The following SLC35G2 variants were observed in gnomAD, a reference collection of about 807,000 sequenced individuals.
SLC35G2 encodes the protein solute carrier family 35 member G2, also known as transmembrane protein 22.
A neutral mutation model predicts 27.2 loss-of-function variants in SLC35G2; 20 were observed. That is an observed-to-expected ratio of 0.74 (90% CI 0.52 to 1.07). The LOEUF (loss-of-function observed/expected upper bound fraction) is 1.07. Ranked by LOEUF, SLC35G2 falls within the 50% of genes least tolerant of loss-of-function variation. The probability of loss-of-function intolerance (pLI) is 0.00; values close to 1 mark genes in which losing one functional copy is unlikely to be tolerated. For synonymous variants in SLC35G2, 148 were observed against 165.3 expected, an observed-to-expected ratio of 0.90 and a Z score of 0.80; for missense variants, 416 against 493.3, an observed-to-expected ratio of 0.84 and a Z score of 1.48.
chr3:136,835,831 A>G (rs1471562539), intron 1 of SLC35G2, among the ~76,000 whole-genome samples: 1 of 152,178 alleles, frequency 6.6e-6, no homozygotes, highest in Non-Finnish European at 1.5e-5. Context: ...TTTGATGCTG[A>G]AAATGCTCCA....
chr3:136,821,396 TA>T (rs938298297), intron 1 of SLC35G2, among the ~76,000 whole-genome samples: 3 of 152,210 alleles, frequency 2.0e-5, no homozygotes, highest in East Asian at 1.9e-4. Context: ...TTTTTAGACT[TA>T]AAAAAATTAT....
intron 1 of SLC35G2, among the ~76,000 whole-genome samples, chr3:136,833,242 G>A (rs902096069): frequency 6.6e-6 from 1 of 152,140 alleles, no homozygotes; most frequent in Admixed American, 6.5e-5. Flanking sequence ...TTATTGAAAT[G>A]TTGTTAAGTG....
At chr3:136,833,790 C>T (rs1262012537) in intron 1 of SLC35G2, among the ~76,000 whole-genome samples, 1 of 152,126 alleles carries the variant, frequency 6.6e-6, no homozygotes, top group Non-Finnish European at 1.5e-5. Flanking sequence ...AGTTCATGCA[C>T]TGAGGGTTGG....
intron 1 of SLC35G2, among the ~76,000 whole-genome samples, chr3:136,826,132 G>A (rs1936580122): frequency 6.6e-6 from 1 of 151,840 alleles, no homozygotes; most frequent in South Asian, 2.1e-4. Flanking sequence ...CACCTTCTGA[G>A]TTCACGCCAT....
intron 1 of SLC35G2, among the ~76,000 whole-genome samples, chr3:136,850,050 T>C (rs1191827461): frequency 6.6e-6 from 1 of 152,138 alleles, no homozygotes; most frequent in African/African-American, 2.4e-5. Flanking sequence ...GAGGTTGCAG[T>C]GAGCTGAGAT....
At chr3:136,824,086 G>A (rs1011318149) in intron 1 of SLC35G2, among the ~76,000 whole-genome samples, 1 of 152,116 alleles carries the variant, frequency 6.6e-6, no homozygotes, top group African/African-American at 2.4e-5. Flanking sequence ...CTATGTATCT[G>A]TTTTTATGCC....
chr3:136,839,930 C>A (rs1439372007), intron 1 of SLC35G2, among the ~76,000 whole-genome samples: 1 of 152,128 alleles, frequency 6.6e-6, no homozygotes, highest in African/African-American at 2.4e-5. Flanking sequence ...TAATTTCCAC[C>A]CACTTCTATA....
chr3:136,847,191 T>A (rs1447078025), intron 1 of SLC35G2, among the ~76,000 whole-genome samples: 3 of 151,378 alleles, frequency 2.0e-5, no homozygotes, highest in South Asian at 2.1e-4. Context: ...AATAAATAAA[T>A]AATAAATAAA....
intron 1 of SLC35G2, chr3:136,843,365 A>C (rs1937191286): frequency 7.1e-6 from 1 of 141,074 alleles, no homozygotes; most frequent in South Asian, 2.4e-4. Flanking sequence ...GGGTTCTGGC[A>C]GGGTGTGGTA....
chr3:136,854,930 C>G lies in SLC35G2; in HGVS notation c.470C>G (p.Ala157Gly). 1 of 1,614,098 alleles carries G rather than the reference C, an allele frequency of 6.2e-7. No homozygotes were observed. The highest frequency in any genetic ancestry group is 8.5e-7 in the Non-Finnish European group (1 of 1,180,028). The change falls in exon 2 of 2, where the codon GCC (alanine) becomes GGC (glycine). Residue 157 changes from alanine (A) to glycine (G), a missense_variant. Ala to Gly is a moderately conservative substitution (Grantham distance 60). Transcript: ENST00000446465. ...TTAGTTGTGTGTTACTATCAGGAGG[C>G]CCCCTTTGGACCCAGTGGATACAGA... is the stretch of plus-strand genomic sequence containing the variant. ...SVLVVCYYQE[A>G]PFGPSGYRLR...
intron 1 of SLC35G2, among the ~76,000 whole-genome samples, chr3:136,824,955 A>G (rs952004523): frequency 1.3e-5 from 2 of 151,918 alleles, no homozygotes; most frequent in South Asian, 2.1e-4. Context: ...CCCTGTGTCC[A>G]TGTGTTCTCA....
intron 1 of SLC35G2, among the ~76,000 whole-genome samples, chr3:136,847,955 C>T (rs773517136): frequency 5.9e-5 from 9 of 151,926 alleles, no homozygotes; most frequent in Admixed American, 3.9e-4. Flanking sequence ...CCAGCCTGGG[C>T]GACAGAGCAA....
At chr3:136,837,548 T>A (rs945524109) in intron 1 of SLC35G2, 4 of 152,188 alleles carry the variant, frequency 2.6e-5, no homozygotes, top group African/African-American at 9.7e-5. Flanking sequence ...ATCTTTCTTT[T>A]TACTCAGCAA....
chr3:136,849,784 C>A (rs913266836), intron 1 of SLC35G2, among the ~76,000 whole-genome samples: 1 of 151,730 alleles, frequency 6.6e-6, no homozygotes, highest in African/African-American at 2.4e-5. Flanking sequence ...TGAGCCACTG[C>A]ACCTGGCCCA....
chr3:136,827,953 A>G (rs1204949459), intron 1 of SLC35G2, among the ~76,000 whole-genome samples: 2 of 152,000 alleles, frequency 1.3e-5, no homozygotes, highest in East Asian at 3.9e-4. Context: ...CAGCCTCCCA[A>G]GTAGCTGGGA....
At chr3:136,846,602 A>T (rs1484116338) in intron 1 of SLC35G2, 1 of 152,210 alleles carries the variant, frequency 6.6e-6, no homozygotes, top group Non-Finnish European at 1.5e-5. Context: ...GAAGGAGGAA[A>T]AGTTGAGTTG....
At chr3:136,841,439 C>CA (rs1185819874) in intron 1 of SLC35G2, among the ~76,000 whole-genome samples, 1 of 152,016 alleles carries the variant, frequency 6.6e-6, no homozygotes, top group Non-Finnish European at 1.5e-5. Flanking sequence ...ATATAAATAT[C>CA]AGAGTCCAGC....
At chr3:136,853,620 G>A (rs1937789728) in intron 1 of SLC35G2, among the ~76,000 whole-genome samples, 2 of 151,930 alleles carry the variant, frequency 1.3e-5, no homozygotes, top group South Asian at 2.1e-4. Context: ...TTCCATTCTT[G>A]TTCCTCCTGT....
intron 1 of SLC35G2, among the ~76,000 whole-genome samples, chr3:136,847,190 A>T (rs1937422371): frequency 2.0e-5 from 3 of 151,798 alleles, no homozygotes; most frequent in South Asian, 2.1e-4. Flanking sequence ...AAATAAATAA[A>T]TAATAAATAA....
Sources: allele counts gnomAD v4.1 joint callset (sites outside exome capture counted in the v4.1 genomes callset), GRCh38; gene constraint gnomAD v4.1.1; transcripts MANE v1.5; gene names NCBI Gene and HGNC (gene_info 2026-07-23, HGNC 2026-07-21).